Variants in CNOT2 observed in about 807,000 individuals in gnomAD.
CNOT2 encodes CC chemokine receptor 4-negative regulator of transcription 2.
In CNOT2, 7 loss-of-function variants were observed where a neutral mutation model predicts 72.1. The observed-to-expected ratio is 0.10, with a 90% CI of 0.06 to 0.18. CNOT2 has a LOEUF of 0.18. CNOT2 is among the 10% of genes least tolerant of loss of function. The pLI is 1.00. For synonymous variants in CNOT2, 196 were observed against 225.6 expected, an observed-to-expected ratio of 0.87 and a Z score of 1.17; for missense variants, 345 against 660.3, an observed-to-expected ratio of 0.52 and a Z score of 5.23.
chr12:70,295,894 C>T (rs534016127), intron 2 of CNOT2, among the ~76,000 whole-genome samples: 52 of 152,156 alleles, frequency 3.4e-4, no homozygotes, highest in Middle Eastern at 3.4e-3. Flanking sequence ...TTCTAGAAAA[C>T]CACAAAATCT....
intron 4 of CNOT2, among the ~76,000 whole-genome samples, chr12:70,324,756 T>C (rs1878819982): frequency 6.6e-6 from 1 of 151,870 alleles, no homozygotes; most frequent in Admixed American, 6.6e-5. Context: ...TCTTATACAT[T>C]CTTAGCACCT....
intron 7 of CNOT2, 145 bp from the exon 8 acceptor site, chr12:70,335,293 T>C (rs957907674): frequency 1.0e-4 from 55 of 535,934 alleles, no homozygotes; most frequent in Non-Finnish European, 1.7e-4. Context: ...CAAGTATCTT[T>C]TGAGCACCTA....
At chr12:70,273,966 G>A (rs1868358187) in intron 1 of CNOT2, among the ~76,000 whole-genome samples, 2 of 152,038 alleles carry the variant, frequency 1.3e-5, no homozygotes, top group African/African-American at 4.8e-5. Context: ...TTATTGTTAA[G>A]TTGTATTTGT....
chr12:70,330,534 A>G, intron 6 of CNOT2, 65 bp downstream of exon 6: 1 of 1,150,176 alleles, frequency 8.7e-7, no homozygotes, highest in Non-Finnish European at 1.2e-6. Flanking sequence ...GCCTTTTCAT[A>G]TTTTCACTTT....
intron 2 of CNOT2, chr12:70,307,976 A>ATAAAATCCAAAGTC (rs1404095750): frequency 6.6e-6 from 1 of 152,030 alleles, no homozygotes; most frequent in African/African-American, 2.4e-5. Flanking sequence ...CTAACAAAGA[A>ATAAAATCCAAAGTC]TAAAATCCAA....
At chr12:70,262,159 A>G (rs530568903) in intron 1 of CNOT2, among the ~76,000 whole-genome samples, 5 of 152,056 alleles carry the variant, frequency 3.3e-5, no homozygotes, top group African/African-American at 9.6e-5. Flanking sequence ...TAGATAATAA[A>G]CTTTAAAAAG....
intron 14 of CNOT2, chr12:70,345,392 C>A (rs1882037392): frequency 6.6e-6 from 1 of 151,992 alleles, no homozygotes. Context: ...CCTGTTGTTC[C>A]TTTTAATTGT....
chr12:70,246,238 T>C (rs1310913725), intron 1 of CNOT2, among the ~76,000 whole-genome samples: 1 of 152,196 alleles, frequency 6.6e-6, no homozygotes, highest in African/African-American at 2.4e-5. Context: ...AATTTGTAAC[T>C]GTAGAAAGTT....
At chr12:70,300,322 A>C (rs1026807939) in intron 2 of CNOT2, among the ~76,000 whole-genome samples, 1 of 152,158 alleles carries the variant, frequency 6.6e-6, no homozygotes, top group African/African-American at 2.4e-5. Flanking sequence ...GGTATTGCCT[A>C]GGTTTTCTTC....
intron 1 of CNOT2, among the ~76,000 whole-genome samples, chr12:70,275,919 T>A (rs1426801749): frequency 6.6e-6 from 1 of 152,068 alleles, no homozygotes; most frequent in African/African-American, 2.4e-5. Flanking sequence ...TCATGTTTAT[T>A]TGGAAGAAAA....
chr12:70,293,107 C>CT (rs1356655094), intron 2 of CNOT2, among the ~76,000 whole-genome samples: 2 of 148,100 alleles, frequency 1.4e-5, no homozygotes. Context: ...AAATAACTCA[C>CT]TTTTTATATT....
At chr12:70,334,556 T>A (rs553223500) in intron 7 of CNOT2, 1 of 152,146 alleles carries the variant, frequency 6.6e-6, no homozygotes, top group East Asian at 1.9e-4. Flanking sequence ...AAACAAAAAT[T>A]AAAAGCTATA....
intron 3 of CNOT2, among the ~76,000 whole-genome samples, chr12:70,313,189 T>C (rs1046509972): frequency 1.2e-3 from 178 of 152,150 alleles, no homozygotes; most frequent in Middle Eastern, 3.4e-3. Flanking sequence ...TATTGGTCAT[T>C]TGTATTTCTT....
chr12:70,339,097 C>CACAA (rs1881146633), intron 11 of CNOT2, among the ~76,000 whole-genome samples: 1 of 149,332 alleles, frequency 6.7e-6, no homozygotes, highest in Non-Finnish European at 1.5e-5. Flanking sequence ...TATATACACA[C>CACAA]ACACACACAC....
chr12:70,310,557 A>G (rs908184264), intron 2 of CNOT2, among the ~76,000 whole-genome samples: 19 of 152,122 alleles, frequency 1.2e-4, no homozygotes, highest in African/African-American at 4.6e-4. Flanking sequence ...AAGATTTTGA[A>G]TAATTAAACC....
intron 9 of CNOT2, 42 bp downstream of exon 9, chr12:70,337,555 C>A: frequency 6.3e-7 from 1 of 1,588,146 alleles, no homozygotes; most frequent in Non-Finnish European, 8.6e-7. Context: ...TGTAGTTTTT[C>A]CCTTCAGATT....
chr12:70,326,625 A>G (rs1342553590), intron 4 of CNOT2, among the ~76,000 whole-genome samples: 1 of 151,758 alleles, frequency 6.6e-6, no homozygotes, highest in Non-Finnish European at 1.5e-5. Flanking sequence ...GACTTAGTAT[A>G]TTTAGTTTCC....
chr12:70,278,928 G>A (rs542313164), intron 2 of CNOT2, among the ~76,000 whole-genome samples: 3 of 152,186 alleles, frequency 2.0e-5, no homozygotes, highest in African/African-American at 7.2e-5. Context: ...CTATTAAACA[G>A]TGATTTAAAG....
intron 2 of CNOT2, among the ~76,000 whole-genome samples, chr12:70,281,891 A>G (rs1012484802): frequency 6.6e-6 from 1 of 152,256 alleles, no homozygotes; most frequent in African/African-American, 2.4e-5. Context: ...CATTGGTCAC[A>G]TTAACCACAT....
Sources: allele counts gnomAD v4.1 joint callset (sites outside exome capture counted in the v4.1 genomes callset), GRCh38; gene constraint gnomAD v4.1.1; transcripts MANE v1.5; gene names NCBI Gene and HGNC (gene_info 2026-07-23, HGNC 2026-07-21).